The following ADARB2 variants were observed in gnomAD, a reference collection of about 807,000 sequenced individuals.
ADARB2 encodes inactive double-stranded RNA-specific editase B2.
A neutral mutation model predicts 62.2 loss-of-function variants in ADARB2; 25 were observed. That is an observed-to-expected ratio of 0.40 (90% CI 0.29 to 0.56). The LOEUF is 0.56. ADARB2 is among the 20% of genes least tolerant of loss of function. The pLI, the probability that ADARB2 is intolerant of heterozygous loss-of-function variation, is 0.43. For missense variants in ADARB2, 1,071 were observed against 1,077.4 expected (o/e 0.99, Z 0.08); for synonymous variants, 572 against 500.8 (o/e 1.14, Z -1.90).
rs541407201 is a variant in ADARB2, at chr10:1,618,569, A to G, written c.100+118482T>C. Among the ~76,000 whole-genome samples the G allele has an allele frequency of 5.5e-4, 83 of 151,340 alleles. 1 individual carries two copies. Among genetic ancestry groups the G allele is most frequent in the African/African-American group, 1.9e-3 (79 of 41,234 alleles). The stretch of plus-strand genomic sequence containing the variant: ...TAAAAATCAGATTTTTTTTTGAGAG[A>G]GGGTCTTGCACTTCACATATGCTGG... On this transcript the variant is annotated intron_variant, in intron 1 of 9. Coordinates refer to ENST00000381312, the MANE Select transcript of ADARB2 (RefSeq NM_018702.4).
chr10:1,522,897 G>A (rs185000628), intron 1 of ADARB2, among the ~76,000 whole-genome samples: 316 of 152,208 alleles, frequency 2.1e-3, no homozygotes, highest in Non-Finnish European at 2.9e-3. Flanking sequence ...TGTTTGTGCC[G>A]CTCCAGTCCC....
intron 1 of ADARB2, among the ~76,000 whole-genome samples, chr10:1,408,131 G>A (rs1832722229): frequency 6.6e-6 from 1 of 152,208 alleles, no homozygotes; most frequent in Non-Finnish European, 1.5e-5. Context: ...ATGGGTGCAT[G>A]CATCCTTCTT....
intron 3 of ADARB2, among the ~76,000 whole-genome samples, chr10:1,359,563 G>T (rs977442109): frequency 1.3e-5 from 2 of 152,162 alleles, no homozygotes; most frequent in Non-Finnish European, 2.9e-5. Flanking sequence ...TTTACCACTG[G>T]AGGGTGGCTT....
intron 6 of ADARB2, among the ~76,000 whole-genome samples, chr10:1,229,803 C>A (rs577405290): frequency 1.6e-5 from 2 of 127,426 alleles, no homozygotes; most frequent in African/African-American, 6.8e-5. Context: ...TATGTGTGTG[C>A]GTGTACATGT....
At chr10:1,392,041 C>G (rs372307779) in intron 1 of ADARB2, among the ~76,000 whole-genome samples, 1 of 152,188 alleles carries the variant, frequency 6.6e-6, no homozygotes, top group Non-Finnish European at 1.5e-5. Flanking sequence ...GCTGGGATTA[C>G]AGGTGTGAGC....
intron 1 of ADARB2, among the ~76,000 whole-genome samples, chr10:1,449,599 A>G (rs1459688417): frequency 6.6e-6 from 1 of 152,206 alleles, no homozygotes; most frequent in Non-Finnish European, 1.5e-5. Context: ...GAGAATTCCC[A>G]GAGGAGAAGC....
At chr10:1,726,846 C>T (rs937586063) in intron 1 of ADARB2, among the ~76,000 whole-genome samples, 2 of 152,064 alleles carry the variant, frequency 1.3e-5, no homozygotes, top group Non-Finnish European at 2.9e-5. Context: ...ACCTCAGGGG[C>T]TCACGCTGGA....
At chr10:1,220,002 GATGGTA>G (rs1392552414) in intron 6 of ADARB2, among the ~76,000 whole-genome samples, 8 of 141,346 alleles carry the variant, frequency 5.7e-5, no homozygotes, top group East Asian at 4.3e-4. Context: ...TGGTGATGAT[GATGGTA>G]ATGGTGATGG....
At chr10:1,441,717 G>A (rs904486513) in intron 1 of ADARB2, among the ~76,000 whole-genome samples, 2 of 152,122 alleles carry the variant, frequency 1.3e-5, no homozygotes, top group African/African-American at 2.4e-5. Context: ...TTGTTGAAAT[G>A]TTGACGCTTC....
intron 1 of ADARB2, among the ~76,000 whole-genome samples, chr10:1,646,001 C>T (rs979755922): frequency 6.6e-6 from 1 of 152,134 alleles, no homozygotes; most frequent in African/African-American, 2.4e-5. Flanking sequence ...CAAATCACAA[C>T]CAGAGTGGTG....
At chr10:1,278,027 T>C (rs1433179745) in intron 3 of ADARB2, among the ~76,000 whole-genome samples, 1 of 152,064 alleles carries the variant, frequency 6.6e-6, no homozygotes, top group Non-Finnish European at 1.5e-5. Flanking sequence ...TGGACCTCAG[T>C]GGCATGATCT....
At chr10:1,654,781 C>A (rs796283762) in intron 1 of ADARB2, among the ~76,000 whole-genome samples, 2 of 152,338 alleles carry the variant, frequency 1.3e-5, no homozygotes, top group Middle Eastern at 3.4e-3. Context: ...ACCAGGTTGG[C>A]CCTGCATGCT....
chr10:1,529,073 ACC>A (rs1832185396), intron 1 of ADARB2, among the ~76,000 whole-genome samples: 1 of 143,274 alleles, frequency 7.0e-6, no homozygotes, highest in Non-Finnish European at 1.6e-5. Flanking sequence ...CAATCAGTCC[ACC>A]CACCATGCCC....
intron 1 of ADARB2, among the ~76,000 whole-genome samples, chr10:1,690,183 G>A (rs1350668513): frequency 6.6e-6 from 1 of 152,206 alleles, no homozygotes; most frequent in Non-Finnish European, 1.5e-5. Flanking sequence ...TAATGCCACA[G>A]GGCTGTGCAG....
At chr10:1,459,656 G>A (rs530399330) in intron 1 of ADARB2, among the ~76,000 whole-genome samples, 37 of 152,326 alleles carry the variant, frequency 2.4e-4, no homozygotes, top group Middle Eastern at 3.4e-3. Context: ...CAGGTACTCG[G>A]GAGGGTGAGG....
chr10:1,327,037 CT>C (rs1831863164), intron 3 of ADARB2, among the ~76,000 whole-genome samples: 4 of 70,502 alleles, frequency 5.7e-5, no homozygotes, highest in Non-Finnish European at 1.2e-4. Flanking sequence ...CGCCTCCCCA[CT>C]GCCCAGCGCC....
In ADARB2 at chr10:1,646,020, C is replaced by A. The variant is rs531409305; in HGVS notation, c.100+91031G>T. 9.9e-5 allele frequency among the ~76,000 whole-genome samples: 15 copies of A among 152,280 alleles called. No individual in the cohort carries two copies. In the South Asian group the frequency reaches 3.1e-3, roughly 32 times the overall value. On this transcript the variant is annotated intron_variant, in intron 1 of 9. Transcript: ENST00000381312. ...TCACAACCAGAGTGGTGTTAGGAGA[C>A]GTGTCCCAGGGACACATGAGGATGG...
At chr10:1,675,545 G>T (rs1360451474) in intron 1 of ADARB2, 7 of 965,990 alleles carry the variant, frequency 7.2e-6, no homozygotes, top group Non-Finnish European at 8.6e-6. Context: ...TTGGGTTTGG[G>T]GGTACATGGA....
intron 3 of ADARB2, among the ~76,000 whole-genome samples, chr10:1,351,046 G>A (rs1832132189): frequency 6.6e-6 from 1 of 151,968 alleles, no homozygotes; most frequent in Non-Finnish European, 1.5e-5. Context: ...CTGGCCACCG[G>A]GCCAAGGAAT....
Sources: gnomAD v4.1 joint callset for allele counts (sites outside exome capture counted in the v4.1 genomes callset) on GRCh38, gnomAD v4.1.1 for gene constraint, MANE v1.5 for transcripts, NCBI Gene and HGNC (gene_info 2026-07-23, HGNC 2026-07-21) for gene names.